Variants in SPRED1 observed in about 807,000 individuals in gnomAD.
The protein encoded by SPRED1 is sprouty related EVH1 domain containing 1.
In SPRED1, 18 loss-of-function variants were observed where a neutral mutation model predicts 52.3. That is an observed-to-expected ratio of 0.34 (90% confidence interval 0.24 to 0.51). The LOEUF (loss-of-function observed/expected upper bound fraction) is 0.51. Ranked by LOEUF, SPRED1 falls within the 20% of genes least tolerant of loss-of-function variation. The pLI is 0.97. For missense variants in SPRED1, 485 were observed against 551.0 expected, an observed-to-expected ratio of 0.88 and a Z score of 1.20; for synonymous variants, 155 against 179.7, an observed-to-expected ratio of 0.86 and a Z score of 1.10.
At chr15:38,289,702 G>A (rs1894882249) in intron 1 of SPRED1, among the ~76,000 whole-genome samples, 3 of 152,170 alleles carry the variant, frequency 2.0e-5, no homozygotes, top group Non-Finnish European at 2.9e-5. Flanking sequence ...TGACTTTGAG[G>A]GTAGAAGGAG....
chr15:38,329,933 C>T (rs1895776399), intron 4 of SPRED1, among the ~76,000 whole-genome samples: 1 of 152,134 alleles, frequency 6.6e-6, no homozygotes, highest in Non-Finnish European at 1.5e-5. Context: ...TGTAGCTATA[C>T]TACAATTTAA....
At position 38,351,254 on chromosome 15, in the gene SPRED1, G is replaced by C; in HGVS notation, c.925G>C (p.Val309Leu). 1 of 1,614,088 alleles carries C rather than the reference G, an allele frequency of 6.2e-7. No homozygotes were observed. Among genetic ancestry groups the C allele is most frequent in the Non-Finnish European group, 8.5e-7 (1 of 1,180,012 alleles). ...TAAGTTAAGTTCACCCAAAGACTCT[G>C]TGGTATTTAAGACGCAGCCTTCCTC... ...ETKLSSPKDS[V>L]VFKTQPSSLK... Residue 309 changes from valine (V) to leucine (L), a missense_variant, in exon 7 of 7, where the codon GTG (valine) becomes CTG (leucine). Val to Leu is a conservative substitution (Grantham distance 32). This residue lies in a region of SPRED1 where 205 missense variants were observed against 245.2 expected (regional missense o/e 0.84). Coordinates refer to ENST00000299084, the MANE Select transcript of SPRED1 (RefSeq NM_152594.3).
Position 38,328,721 on chromosome 15 carries a change from T to G in SPRED1, c.423+3912T>G, listed in dbSNP as rs957611737. 3.9e-5 allele frequency among the ~76,000 whole-genome samples: 6 copies of G among 152,122 alleles called. No individual in the cohort carries two copies. In the East Asian group the frequency reaches 7.7e-4, roughly 19 times the overall value. On this transcript the variant is annotated intron_variant, in intron 4 of 6. Transcript: ENST00000299084. ...TAATGAGACAATTGAGAGCTTTTGG[T>G]TTTTTTGTTTGTTTTTGAGACAGGG...
intron 1 of SPRED1, among the ~76,000 whole-genome samples, chr15:38,280,577 A>G (rs1472509469): frequency 6.6e-6 from 1 of 152,168 alleles, no homozygotes; most frequent in East Asian, 1.9e-4. Flanking sequence ...AATCTATCTT[A>G]TCTAAAGATA....
chr15:38,273,083 T>C (rs1894472810), intron 1 of SPRED1, among the ~76,000 whole-genome samples: 1 of 152,332 alleles, frequency 6.6e-6, no homozygotes, highest in Middle Eastern at 3.4e-3. Context: ...GAGGACTTAG[T>C]CGTAAATTCT....
In SPRED1 at chr15:38,354,966, T is replaced by C. The variant is rs897721330; in HGVS notation, c.*3302T>C. ...AGTGTGTGTGTACGTTTTTCTCTCT[T>C]TTATTTGAGACGGAGTTTCACTCTT... is the stretch of plus-strand genomic sequence containing the variant. On this transcript the variant is annotated 3_prime_UTR_variant, in exon 7 of 7. Transcript: ENST00000299084. 6.6e-6 allele frequency: 1 copy of C among 152,422 alleles called. No individual in the cohort carries two copies. The highest frequency in any genetic ancestry group is 1.5e-5 in the Non-Finnish European group (1 of 68,216). The allele number at this position is 152,422 out of a possible 1,614,324, so 9.4% of individuals were successfully genotyped here. A position where few individuals can be genotyped will look rare whatever the true frequency, so the allele number is the denominator to read the frequency against.
At chr15:38,342,285 A>G (rs1290827255) in intron 5 of SPRED1, among the ~76,000 whole-genome samples, 1 of 151,984 alleles carries the variant, frequency 6.6e-6, no homozygotes, top group African/African-American at 2.4e-5. Flanking sequence ...TGTATCTTGC[A>G]TCCTTAAAAT....
At chr15:38,253,385 C>T (rs899506676) in intron 1 of SPRED1, among the ~76,000 whole-genome samples, 168 bp downstream of exon 1, 5 of 152,140 alleles carry the variant, frequency 3.3e-5, no homozygotes, top group African/African-American at 1.2e-4. Flanking sequence ...GGCAGCACCC[C>T]TCCCCATCCT....
intron 1 of SPRED1, among the ~76,000 whole-genome samples, chr15:38,293,467 C>T (rs115337400): frequency 0.026 from 3,885 of 152,206 alleles, 52 homozygotes; most frequent in Middle Eastern, 0.041. Flanking sequence ...TAAACAGTGC[C>T]ATGTTTAATA....
intron 1 of SPRED1, 67 bp downstream of exon 1, chr15:38,253,284 C>T (rs1223070350): frequency 1.3e-6 from 2 of 1,490,036 alleles, no homozygotes; most frequent in African/African-American, 2.8e-5. Flanking sequence ...CTCCCCCAGA[C>T]CCATCCGAAA....
At position 38,253,052 on chromosome 15, in the gene SPRED1, C is replaced by A; in HGVS notation, c.-134C>A. 1.3e-6 allele frequency: 1 copy of A among 754,320 alleles called. No individual in the cohort carries two copies. The highest frequency in any genetic ancestry group is 2.3e-6 in the Non-Finnish European group (1 of 432,870). 46.7% of individuals were successfully genotyped at this position (754,320 alleles called of 1,614,324 possible). A position where few individuals can be genotyped will look rare whatever the true frequency, so the allele number is the denominator to read the frequency against. ...GGGGTACCGTTCTGGGTGAGGCATC[C>A]ACCATGGTGAGGCCCCTGTGCCGCT... On this transcript the variant is annotated 5_prime_UTR_variant, in exon 1 of 7. Transcript: ENST00000299084.
At chr15:38,295,156 G>C (rs369060002) in intron 1 of SPRED1, among the ~76,000 whole-genome samples, 2 of 152,098 alleles carry the variant, frequency 1.3e-5, no homozygotes, top group African/African-American at 4.8e-5. Context: ...TTTGCAATAC[G>C]TATTTGCTCT....
intron 1 of SPRED1, among the ~76,000 whole-genome samples, chr15:38,259,723 G>A (rs16966530): frequency 0.091 from 13,798 of 152,180 alleles, 758 homozygotes; most frequent in East Asian, 0.21. Context: ...ATACAAATCA[G>A]TAATGTAACA....
intron 4 of SPRED1, among the ~76,000 whole-genome samples, chr15:38,325,637 A>G (rs1047958526): frequency 6.6e-6 from 1 of 152,128 alleles, no homozygotes; most frequent in South Asian, 2.1e-4. Context: ...CACCCACATT[A>G]TGGAGGATGC....
chr15:38,324,783 G>A lies in SPRED1; in HGVS notation c.397G>A (p.Glu133Lys). Residue 133 changes from glutamate to lysine, a missense_variant, in exon 4 of 7, where the codon GAA becomes AAA. Around this residue, in one of 5 missense-constraint regions of SPRED1, gnomAD observed 232 missense variants for 231.8 expected, o/e 1.00. Coordinates refer to ENST00000299084, the MANE Select transcript of SPRED1 (RefSeq NM_152594.3). The part of the protein sequence containing the change: ...ISQGCPESKN[E>K]AEGADDLQAN... ...CTTAGGATGCCCCGAATCAAAAAAT[G>A]AAGCTGAAGGGGCAGATGACTTACA... The A allele has an allele frequency of 6.2e-7, 1 of 1,611,320 alleles. No individual in the cohort carries two copies. Among genetic ancestry groups the A allele is most frequent in the Non-Finnish European group, 8.5e-7 (1 of 1,178,784 alleles).
chr15:38,333,843 C>G (rs1160921962), intron 4 of SPRED1, among the ~76,000 whole-genome samples: 2 of 151,998 alleles, frequency 1.3e-5, no homozygotes, highest in Admixed American at 6.6e-5. Context: ...TTAGAACTGC[C>G]CAAACATCCA....
chr15:38,289,849 G>T (rs1894884659), intron 1 of SPRED1, among the ~76,000 whole-genome samples: 1 of 152,142 alleles, frequency 6.6e-6, no homozygotes, highest in African/African-American at 2.4e-5. Context: ...GAAACTCTTT[G>T]GACTTCCAAC....
At chr15:38,302,112 T>C (rs1895159326) in intron 2 of SPRED1, among the ~76,000 whole-genome samples, 1 of 152,196 alleles carries the variant, frequency 6.6e-6, no homozygotes, top group Non-Finnish European at 1.5e-5. Context: ...GTGAGATTCT[T>C]GCCCCTCATA....
At chr15:38,303,715 TA>T (rs1180336599) in intron 2 of SPRED1, among the ~76,000 whole-genome samples, 2 of 152,104 alleles carry the variant, frequency 1.3e-5, no homozygotes, top group Non-Finnish European at 2.9e-5. Context: ...TAAAATTTGC[TA>T]AAGCTATGCT....
Sources: gnomAD v4.1 joint callset for allele counts (sites outside exome capture counted in the v4.1 genomes callset) on GRCh38, gnomAD v4.1.1 for gene constraint, gnomAD v4.1.1 regional missense constraint, MANE v1.5 for transcripts, NCBI Gene and HGNC (gene_info 2026-07-23, HGNC 2026-07-21) for gene names.